Variants in CDKN3 observed in about 807,000 individuals in gnomAD.
CDKN3 encodes the protein cyclin-dependent kinase inhibitor 3.
In CDKN3, 19 loss-of-function variants were observed where a neutral mutation model predicts 36.1. The observed-to-expected ratio is 0.53, with a 90% CI of 0.37 to 0.77. The LOEUF (loss-of-function observed/expected upper bound fraction) is 0.77. Ranked by LOEUF, CDKN3 falls within the 30% of genes least tolerant of loss-of-function variation. CDKN3 has a pLI of 0.00. For synonymous variants in CDKN3, 71 were observed against 85.3 expected (o/e 0.83, Z 0.92); for missense variants, 188 against 248.6 (o/e 0.76, Z 1.64).
In CDKN3 at chr14:54,411,626, G is replaced by C; in HGVS notation, c.336G>C (p.Gly112=). 1.9e-6 allele frequency: 3 copies of C among 1,613,588 alleles called. No individual in the cohort carries two copies. Among genetic ancestry groups the C allele is most frequent in the Non-Finnish European group, 2.5e-6 (3 of 1,179,522 alleles). Residue 112 remains glycine (G), a synonymous_variant, in exon 5 of 8, where the codon GGG becomes GGC. Transcript: ENST00000335183. Reference sequence around the variant, plus strand: ...ATCATCATCCAATCGCAGATGGAGGGACTCCTGACATAGCCAGCTGCTGTG... The same window carrying C: ...ATCATCATCCAATCGCAGATGGAGGCACTCCTGACATAGCCAGCTGCTGTG... ...ITHHHPIADG[G]TPDIASCCEI...
chr14:54,397,414 T>C (rs752711185), intron 1 of CDKN3, among the ~76,000 whole-genome samples: 20 of 152,080 alleles, frequency 1.3e-4, no homozygotes, highest in Non-Finnish European at 2.4e-4. Context: ...AGAGCTTGAG[T>C]GTCAGCGATG....
chr14:54,398,987 C>CTTTTTTTTTTTTTTTT (rs113342693), intron 1 of CDKN3, among the ~76,000 whole-genome samples: 1 of 109,276 alleles, frequency 9.2e-6, no homozygotes, highest in Non-Finnish European at 1.8e-5. Flanking sequence ...TTTCTTCTTC[C>CTTTTTTTTTTTTTTTT]TTTTTTTTTT....
chr14:54,410,614 T>G (rs1189860530), intron 4 of CDKN3, among the ~76,000 whole-genome samples: 1 of 152,160 alleles, frequency 6.6e-6, no homozygotes, highest in Non-Finnish European at 1.5e-5. Context: ...GTCTATAAAA[T>G]TAAATACACA....
intron 6 of CDKN3, among the ~76,000 whole-genome samples, chr14:54,416,766 G>A (rs761391705): frequency 6.6e-6 from 1 of 152,118 alleles, no homozygotes; most frequent in Non-Finnish European, 1.5e-5. Context: ...AGTGAACCGA[G>A]TTTACACCAC....
At chr14:54,417,405 A>T (rs61360178) in intron 6 of CDKN3, among the ~76,000 whole-genome samples, 1 of 152,234 alleles carries the variant, frequency 6.6e-6, no homozygotes, top group Non-Finnish European at 1.5e-5. Flanking sequence ...CACACAAAAA[A>T]ATATTGTATG....
intron 6 of CDKN3, among the ~76,000 whole-genome samples, chr14:54,416,522 T>G (rs919289467): frequency 3.9e-5 from 6 of 152,170 alleles, no homozygotes; most frequent in African/African-American, 1.4e-4. Context: ...TACAACTCAG[T>G]AATAAAGATA....
rs545514433 is a variant in CDKN3, at chr14:54,420,042, A to T, written c.603A>T (p.Ser201=). ...GGGACAAATTAGCTGCACATCTATCATCAAGAGATTCACAATCAAGATCTG... is the reference window on the plus strand; with the variant it reads ...GGGACAAATTAGCTGCACATCTATCTTCAAGAGATTCACAATCAAGATCTG... ...EFRDKLAAHL[S]SRDSQSRSVS... The change falls in exon 8 of 8, where the codon TCA becomes TCT. Residue 201 remains serine, a synonymous_variant. Transcript: ENST00000335183. The T allele has an allele frequency of 6.2e-7, 1 of 1,608,994 alleles. No homozygotes were observed. Among genetic ancestry groups the T allele is most frequent in the South Asian group, 1.1e-5 (1 of 90,940 alleles).
At chr14:54,397,376 C>T (rs949082404) in intron 1 of CDKN3, among the ~76,000 whole-genome samples, 11 of 152,280 alleles carry the variant, frequency 7.2e-5, no homozygotes, top group Admixed American at 2.0e-4. Flanking sequence ...GAGGGCCGAG[C>T]CTCGTTGTAC....
chr14:54,412,433 A>T (rs1004046701), intron 5 of CDKN3, among the ~76,000 whole-genome samples: 1 of 152,194 alleles, frequency 6.6e-6, no homozygotes, highest in Non-Finnish European at 1.5e-5. Context: ...CTACCAAAAA[A>T]GTTACCTCTA....
intron 5 of CDKN3, chr14:54,413,866 C>A (rs2030441964): frequency 2.2e-6 from 3 of 1,335,772 alleles, no homozygotes; most frequent in Admixed American, 3.4e-5. Context: ...GTACCACAAA[C>A]CAGGTAGCTG....
chr14:54,398,987 C>CT (rs113342693), intron 1 of CDKN3, among the ~76,000 whole-genome samples: 2,420 of 109,168 alleles, frequency 0.022, 92 homozygotes, highest in Non-Finnish European at 0.029. Context: ...TTTCTTCTTC[C>CT]TTTTTTTTTT....
chr14:54,407,790 G>C (rs557290410), intron 3 of CDKN3, among the ~76,000 whole-genome samples: 1 of 152,202 alleles, frequency 6.6e-6, no homozygotes, highest in African/African-American at 2.4e-5. Context: ...GGCTCCGTTG[G>C]GGGTGGGATC....
intron 1 of CDKN3, among the ~76,000 whole-genome samples, chr14:54,398,073 G>C (rs1286517294): frequency 6.6e-6 from 1 of 152,208 alleles, no homozygotes; most frequent in African/African-American, 2.4e-5. Context: ...AGAGGTTGCA[G>C]TGAGCGGATA....
chr14:54,408,930 C>A, intron 4 of CDKN3, 141 bp downstream of exon 4: 1 of 1,189,054 alleles, frequency 8.4e-7, no homozygotes, highest in Non-Finnish European at 1.1e-6. Flanking sequence ...AAACTATAGA[C>A]TTATTCTGAT....
chr14:54,411,349 C>T, intron 4 of CDKN3, 135 bp from the exon 5 acceptor site: 1 of 642,984 alleles, frequency 1.6e-6, no homozygotes, highest in Non-Finnish European at 2.7e-6. Flanking sequence ...TATCAATAGG[C>T]ACTTCAGATT....
intron 4 of CDKN3, chr14:54,411,258 A>G (rs1566708236): frequency 6.0e-6 from 3 of 499,788 alleles, no homozygotes; most frequent in African/African-American, 5.9e-5. Context: ...AAGAACAGCA[A>G]TTGACTTATT....
At chr14:54,418,493 G>C (rs2030622402) in intron 7 of CDKN3, 1 of 524,846 alleles carries the variant, frequency 1.9e-6, no homozygotes, top group African/African-American at 1.9e-5. Context: ...TCAAAACACT[G>C]CACTAGCAAT....
At chr14:54,399,161 T>C (rs963128036) in intron 1 of CDKN3, among the ~76,000 whole-genome samples, 4 of 152,018 alleles carry the variant, frequency 2.6e-5, no homozygotes, top group Non-Finnish European at 5.9e-5. Flanking sequence ...AATTTTTGTA[T>C]TTTTGGTAGA....
intron 1 of CDKN3, 52 bp from the exon 2 acceptor site, chr14:54,399,841 TA>T (rs1886423475): frequency 1.1e-6 from 1 of 930,994 alleles, no homozygotes. Context: ...TTAGCTATCC[TA>T]AAACTACAAA....
Sources: gnomAD v4.1 joint callset for allele counts (sites outside exome capture counted in the v4.1 genomes callset) on GRCh38, gnomAD v4.1.1 for gene constraint, MANE v1.5 for transcripts, NCBI Gene and HGNC (gene_info 2026-07-23, HGNC 2026-07-21) for gene names.